Variants in CATSPERB observed in about 807,000 individuals in gnomAD.
CATSPERB encodes catsper channel auxiliary subunit beta.
A neutral mutation model predicts 128.3 loss-of-function variants in CATSPERB; 93 were observed. The observed-to-expected ratio is 0.72, with a 90% confidence interval of 0.61 to 0.86. CATSPERB has a LOEUF of 0.86. Among genes scored for constraint, CATSPERB ranks in the 40% least tolerant of loss-of-function variants. The pLI is 0.00. For missense variants in CATSPERB, 1,153 were observed against 1,329.5 expected, an observed-to-expected ratio of 0.87 and a Z score of 2.06; for synonymous variants, 381 against 448.8, an observed-to-expected ratio of 0.85 and a Z score of 1.91.
intron 10 of CATSPERB, among the ~76,000 whole-genome samples, chr14:91,690,759 G>GCACAAT (rs1229896459): frequency 2.6e-4 from 40 of 152,222 alleles, no homozygotes; most frequent in Non-Finnish European, 5.0e-4. Flanking sequence ...ATGTGCACAT[G>GCACAAT]CACATGTGCA....
chr14:91,712,153 T>C (rs901807013), intron 5 of CATSPERB, among the ~76,000 whole-genome samples: 9 of 152,210 alleles, frequency 5.9e-5, no homozygotes, highest in Non-Finnish European at 1.2e-4. Flanking sequence ...TTCTCACTTA[T>C]AATCATCAAT....
rs1422488404 is a variant in CATSPERB, at chr14:91,580,945, T to A, written c.3295A>T (p.Lys1099Ter). The A allele has an allele frequency of 6.2e-7, 1 of 1,614,220 alleles. No homozygotes were observed. Residue 1099 changes from lysine (K) to a stop codon, truncating the protein, a stop_gained, in exon 27 of 27, where the codon AAG becomes TAG. Coordinates refer to ENST00000256343, the MANE Select transcript of CATSPERB (RefSeq NM_024764.4). LOFTEE classifies it low-confidence loss of function (END_TRUNC). ...FQRWIRRNQE[K>*]FSSISLSELI... ...TCACTGAGAGAGATACTTGAAAACT[T>A]CTCTTGGTTTCTTCTAATCCATCTT...
chr14:91,679,155 C>T (rs576213209), intron 11 of CATSPERB, among the ~76,000 whole-genome samples: 4 of 152,118 alleles, frequency 2.6e-5, no homozygotes, highest in South Asian at 2.1e-4. Flanking sequence ...CAACTAAAAA[C>T]GGGTTATGAT....
At chr14:91,611,534 C>T (rs1704643) in intron 20 of CATSPERB, among the ~76,000 whole-genome samples, 86,742 of 151,872 alleles carry the variant, frequency 0.57, 25,465 homozygotes, top group Admixed American at 0.65. Flanking sequence ...TGCTTGAGCC[C>T]GGGAGGTGAA....
intron 7 of CATSPERB, 117 bp downstream of exon 7, chr14:91,704,435 T>C: frequency 9.4e-7 from 1 of 1,063,638 alleles, no homozygotes; most frequent in African/African-American, 1.6e-5. Flanking sequence ...TTTTAGGTAT[T>C]TTTAGGAAAC....
chr14:91,639,375 G>C, intron 15 of CATSPERB, 125 bp from the exon 16 acceptor site: 1 of 734,922 alleles, frequency 1.4e-6, no homozygotes, highest in East Asian at 2.8e-5. Context: ...TGAGACTCCT[G>C]AATTAGGAAA....
At position 91,725,153 on chromosome 14, in the gene CATSPERB, C is replaced by T. The variant is rs376563698; in HGVS notation, c.95G>A (p.Arg32His). 2.5e-5 allele frequency: 39 copies of T among 1,554,744 alleles called. No homozygotes were observed. Among genetic ancestry groups the T allele is most frequent in the Admixed American group, 1.9e-4 (10 of 53,780 alleles). ...IVYNKDDTEK[R>H]FACSNKGFPQ... ...GAACCCTTTGTTAGAACATGCAAAG[C>T]GTTTCTCTGTATCATCTAAATAATA... is the stretch of plus-strand genomic sequence containing the variant. Residue 32 changes from arginine to histidine, a missense_variant, in exon 3 of 27, where the codon CGC becomes CAC. Coordinates refer to ENST00000256343, the MANE Select transcript of CATSPERB (RefSeq NM_024764.4).
chr14:91,627,932 T>A (rs1894198561), intron 17 of CATSPERB, among the ~76,000 whole-genome samples: 1 of 152,146 alleles, frequency 6.6e-6, no homozygotes. Flanking sequence ...GAGCTATGAT[T>A]GCACCACTGC....
intron 20 of CATSPERB, among the ~76,000 whole-genome samples, chr14:91,614,155 T>C (rs1893890248): frequency 6.6e-6 from 1 of 152,178 alleles, no homozygotes; most frequent in African/African-American, 2.4e-5. Flanking sequence ...TCACATTTAA[T>C]TCTCAAAACA....
intron 7 of CATSPERB, among the ~76,000 whole-genome samples, chr14:91,702,735 G>A (rs536716356): frequency 6.8e-6 from 1 of 147,812 alleles, no homozygotes; most frequent in Non-Finnish European, 1.5e-5. Context: ...AATTTTTCTT[G>A]GAATCATATT....
Position 91,693,490 on chromosome 14 carries a change from A to G in CATSPERB, c.617-11T>C, listed in dbSNP as rs1404433278. On this transcript the variant is annotated splice_polypyrimidine_tract_variant and intron_variant, in intron 7 of 26. Coordinates refer to ENST00000256343, the MANE Select transcript of CATSPERB (RefSeq NM_024764.4). ...TGCCTATGTAAACACCTACCATGAA[A>G]CAAAAGGAAAATTAAAGCCAGGCAA... 1 of 1,606,910 alleles carries G rather than the reference A, an allele frequency of 6.2e-7. No individual in the cohort carries two copies. Among genetic ancestry groups the G allele is most frequent in the South Asian group, 1.1e-5 (1 of 89,852 alleles).
At chr14:91,635,818 C>T (rs987175219) in intron 17 of CATSPERB, 1 of 152,168 alleles carries the variant, frequency 6.6e-6, no homozygotes, top group African/African-American at 2.4e-5. Flanking sequence ...CTAGGATATA[C>T]AAGAATTGTC....
intron 24 of CATSPERB, 99 bp downstream of exon 24, chr14:91,589,435 C>G: frequency 1.7e-6 from 2 of 1,202,998 alleles, no homozygotes; most frequent in Middle Eastern, 2.0e-4. Flanking sequence ...ACTCCTGGCT[C>G]TCTTTTGTGT....
chr14:91,581,314 T>C lies in CATSPERB; in HGVS notation c.3133-207A>G, dbSNP rs141720136. 1.7e-3 allele frequency among the ~76,000 whole-genome samples: 263 copies of C among 152,364 alleles called. 1 individual carries two copies. The highest frequency in any genetic ancestry group is 6.2e-3 in the African/African-American group (256 of 41,604). ...ATAAATAGGGGCTAAGAAGTCCATGTATTATCCTATGCCTTTACCCTGTCT... is the reference window on the plus strand; with the variant it reads ...ATAAATAGGGGCTAAGAAGTCCATGCATTATCCTATGCCTTTACCCTGTCT... On this transcript the variant is annotated intron_variant, in intron 26 of 26. Transcript: ENST00000256343.
In CATSPERB at chr14:91,634,314, GC is replaced by G. The variant is rs549615762; in HGVS notation, c.1742+2110del. 5.9e-5 allele frequency among the ~76,000 whole-genome samples: 9 copies of G among 152,200 alleles called. No individual in the cohort carries two copies. The South Asian group carries it at 1.9e-3, about 32-fold the overall frequency. On this transcript the variant is annotated intron_variant, in intron 17 of 26. Transcript: ENST00000256343. Reference sequence around the variant, plus strand: ...TCATCTTCTTGATTAGGCTGAGGAGGCCTTACTGACTCAGGGGTGGCAGAGG... The same window carrying G: ...TCATCTTCTTGATTAGGCTGAGGAGGCTTACTGACTCAGGGGTGGCAGAGG...
intron 22 of CATSPERB, among the ~76,000 whole-genome samples, chr14:91,593,424 C>T (rs1893446789): frequency 6.6e-6 from 1 of 152,156 alleles, no homozygotes; most frequent in African/African-American, 2.4e-5. Context: ...GTGGAGCTGC[C>T]CAAAACCATG....
At chr14:91,638,301 G>A (rs909091236) in intron 16 of CATSPERB, among the ~76,000 whole-genome samples, 1 of 152,022 alleles carries the variant, frequency 6.6e-6, no homozygotes, top group African/African-American at 2.4e-5. Flanking sequence ...AGTGTCATCT[G>A]TAAAGAAGAT....
At chr14:91,686,385 T>C (rs1234893607) in intron 10 of CATSPERB, among the ~76,000 whole-genome samples, 2 of 152,200 alleles carry the variant, frequency 1.3e-5, no homozygotes, top group East Asian at 3.8e-4. Flanking sequence ...ACTGAATGAA[T>C]AAATCATTAA....
intron 26 of CATSPERB, among the ~76,000 whole-genome samples, chr14:91,581,725 CTT>C (rs1893209836): frequency 6.6e-6 from 1 of 152,154 alleles, no homozygotes; most frequent in Admixed American, 6.5e-5. Flanking sequence ...ACAGTGATGT[CTT>C]TTTCTCTGAG....
Sources: allele counts gnomAD v4.1 joint callset (sites outside exome capture counted in the v4.1 genomes callset), GRCh38; gene constraint gnomAD v4.1.1; transcripts MANE v1.5; gene names NCBI Gene and HGNC (gene_info 2026-07-23, HGNC 2026-07-21).